Variants in IGF1R observed in about 807,000 individuals in gnomAD.
IGF1R encodes insulin like growth factor 1 receptor, also known as insulin-like growth factor 1 receptor.
A neutral mutation model predicts 144.6 loss-of-function variants in IGF1R; 44 were observed. The ratio of observed to expected loss-of-function variants is 0.30; its 90% confidence interval spans 0.24 to 0.39. The LOEUF is 0.39. IGF1R is among the 10% of genes least tolerant of loss of function. IGF1R has a pLI of 1.00. For synonymous variants in IGF1R, 795 were observed against 722.8 expected (o/e 1.10, Z -1.60); for missense variants, 1,355 against 1,833.7 (o/e 0.74, Z 4.77).
chr15:98,771,808 A>G (rs562870334), intron 2 of IGF1R, among the ~76,000 whole-genome samples: 2 of 152,298 alleles, frequency 1.3e-5, no homozygotes, highest in South Asian at 2.1e-4. Context: ...GGCAATTGCT[A>G]CAAAGTCCAG....
chr15:98,687,731 A>G (rs2053365567), intron 1 of IGF1R, among the ~76,000 whole-genome samples: 1 of 152,212 alleles, frequency 6.6e-6, no homozygotes, highest in African/African-American at 2.4e-5. Flanking sequence ...ATAGAAGCCA[A>G]AGCATCCCCA....
chr15:98,811,517 G>A (rs368206204), intron 2 of IGF1R, among the ~76,000 whole-genome samples: 2 of 126,414 alleles, frequency 1.6e-5, no homozygotes, highest in African/African-American at 5.9e-5. Flanking sequence ...GTGACAGAGC[G>A]AAACTCCATC....
rs529621926 is a variant in IGF1R at position 98,847,629 on chromosome 15, G to A, written c.641-43696G>A. ...GAAGTTTCGAGGACTTTTGAAATTC[G>A]ATGACATTAACCTTTGAGGTGCATT... is the stretch of plus-strand genomic sequence containing the variant. On this transcript the variant is annotated intron_variant, in intron 2 of 20. Transcript: ENST00000650285. Among the ~76,000 whole-genome samples, 5 of 152,284 alleles carry A rather than the reference G, an allele frequency of 3.3e-5. No homozygotes were observed. The East Asian group carries it at 7.7e-4, about 23-fold the overall frequency.
chr15:98,958,829 A>ACTTTCTTCCT lies in IGF1R; in HGVS notation c.*1392_*1401dup, dbSNP rs2017114482. On this transcript the variant is annotated 3_prime_UTR_variant, in exon 21 of 21. Transcript: ENST00000650285. Reference sequence around the variant, plus strand: ...CTTATGCTTTGTACTAGAGTGCGTGACTTTCTTCCTCTTTTCCCGGTAATG... The same window carrying ACTTTCTTCCT: ...CTTATGCTTTGTACTAGAGTGCGTGACTTTCTTCCTCTTTCTTCCTCTTTTCCCGGTAATG... The ACTTTCTTCCT allele has an allele frequency of 4.3e-6, 1 of 233,434 alleles. No homozygotes were observed. The highest frequency in any genetic ancestry group is 8.5e-6 in the Non-Finnish European group (1 of 117,930). The allele number at this position is 233,434 out of a possible 1,614,324, so 14.5% of individuals were successfully genotyped here. A position where few individuals can be genotyped will look rare whatever the true frequency, so the allele number is the denominator to read the frequency against.
rs1015164148 is a variant in IGF1R at position 98,958,213 on chromosome 15, G to T, written c.*771G>T. ...ACACAGGTCTCATTGCTTCTGACTA[G>T]ATTATTATTTGGGGGAACTGGACAC... On this transcript the variant is annotated 3_prime_UTR_variant, in exon 21 of 21. Coordinates refer to ENST00000650285, the MANE Select transcript of IGF1R (RefSeq NM_000875.5). The T allele has an allele frequency of 2.6e-5, 6 of 232,158 alleles. No individual in the cohort carries two copies. The highest frequency in any genetic ancestry group is 6.6e-5 in the African/African-American group (3 of 45,232). The allele number at this position is 232,158 out of a possible 1,614,324, so 14.4% of individuals were successfully genotyped here. A position where few individuals can be genotyped will look rare whatever the true frequency, so the allele number is the denominator to read the frequency against.
At chr15:98,948,251 A>C (rs1328718601) in intron 19 of IGF1R, among the ~76,000 whole-genome samples, 2 of 152,176 alleles carry the variant, frequency 1.3e-5, no homozygotes, top group Admixed American at 1.3e-4. Context: ...GGCCGGGACT[A>C]GGTAGATGCT....
At chr15:98,953,217 T>A (rs2016846222) in intron 20 of IGF1R, 1 of 152,176 alleles carries the variant, frequency 6.6e-6, no homozygotes, top group African/African-American at 2.4e-5. Context: ...GAGCTCACCA[T>A]CAGGAAGTAG....
chr15:98,720,129 CG>C (rs2054213299), intron 2 of IGF1R, among the ~76,000 whole-genome samples: 1 of 152,298 alleles, frequency 6.6e-6, no homozygotes, highest in South Asian at 2.1e-4. Flanking sequence ...TAACTCCAGT[CG>C]CAAAATCCCT....
intron 2 of IGF1R, among the ~76,000 whole-genome samples, chr15:98,745,483 C>T (rs2141322849): frequency 6.6e-6 from 1 of 152,356 alleles, no homozygotes; most frequent in South Asian, 2.1e-4. Flanking sequence ...TGGGTTCCTT[C>T]TCCTGTCTTT....
intron 2 of IGF1R, among the ~76,000 whole-genome samples, chr15:98,879,063 C>T (rs1457731679): frequency 6.6e-6 from 1 of 152,080 alleles, no homozygotes; most frequent in Non-Finnish European, 1.5e-5. Flanking sequence ...GTGAAGAAAC[C>T]CGGCTCATGA....
At chr15:98,843,765 GTT>G (rs1373063843) in intron 2 of IGF1R, among the ~76,000 whole-genome samples, 1 of 152,072 alleles carries the variant, frequency 6.6e-6, no homozygotes, top group Non-Finnish European at 1.5e-5. Context: ...GAGTGGGATT[GTT>G]TTTTGTTTCA....
At chr15:98,834,717 G>A (rs994043204) in intron 2 of IGF1R, among the ~76,000 whole-genome samples, 12 of 152,214 alleles carry the variant, frequency 7.9e-5, no homozygotes, top group Non-Finnish European at 1.5e-4. Flanking sequence ...GGATGGTTCA[G>A]TAGGCTCAAG....
At position 98,868,327 on chromosome 15, in the gene IGF1R, CAAAAAAAAA is replaced by C. The variant is rs55905905; in HGVS notation, c.641-22989_641-22981del. On this transcript the variant is annotated intron_variant, in intron 2 of 20. Coordinates refer to ENST00000650285, the MANE Select transcript of IGF1R (RefSeq NM_000875.5). ...GGACAACAGAGTAAGACCTTGTCTCCAAAAAAAAAAAAAAAAAGCCAAATCTGTTGGGTT... is the reference window on the plus strand; with the variant it reads ...GGACAACAGAGTAAGACCTTGTCTCCAAAAAAAAGCCAAATCTGTTGGGTT... Among the ~76,000 whole-genome samples the C allele has an allele frequency of 1.9e-3, 94 of 49,878 alleles. 2 individuals carry two copies. The highest frequency in any genetic ancestry group is 0.036 in the Middle Eastern group (1 of 28). The allele number at this position is 49,878 out of a possible 152,430, so 32.7% of individuals were successfully genotyped here.
intron 5 of IGF1R, among the ~76,000 whole-genome samples, chr15:98,905,419 G>A (rs985224139): frequency 6.6e-6 from 1 of 152,004 alleles, no homozygotes; most frequent in East Asian, 1.9e-4. Flanking sequence ...CACTTTGGAA[G>A]ACCATGGCAA....
intron 2 of IGF1R, among the ~76,000 whole-genome samples, chr15:98,868,797 G>C (rs1304271807): frequency 6.6e-6 from 1 of 152,182 alleles, no homozygotes; most frequent in Admixed American, 6.5e-5. Context: ...GGGTAGCAGT[G>C]AGTGCCCCGT....
chr15:98,866,283 C>G (rs935669227), intron 2 of IGF1R, among the ~76,000 whole-genome samples: 2 of 152,188 alleles, frequency 1.3e-5, no homozygotes. Context: ...CTTCCGTGTA[C>G]CCAGTAAATG....
chr15:98,924,724 AAGC>A lies in IGF1R; in HGVS notation c.2782+43_2782+45del, dbSNP rs776642824. 6.4e-5 allele frequency: 102 copies of A among 1,582,714 alleles called. No homozygotes were observed. In the African/African-American group the frequency reaches 1.1e-3, roughly 18 times the overall value. ...GGGAGAAGAAACGTGGTAAAACTGA[AAGC>A]AGGGTGGTCCAGGATCAGGACAGCC... On this transcript the variant is annotated intron_variant, in intron 13 of 20. Transcript: ENST00000650285.
intron 2 of IGF1R, among the ~76,000 whole-genome samples, chr15:98,854,134 T>G (rs939377351): frequency 6.6e-6 from 1 of 152,206 alleles, no homozygotes; most frequent in Non-Finnish European, 1.5e-5. Context: ...GACAGCAGGT[T>G]AAGGAGAGTG....
intron 15 of IGF1R, 72 bp downstream of exon 15, chr15:98,930,377 A>C (rs33982004): frequency 9.6e-7 from 1 of 1,039,036 alleles, no homozygotes. Context: ...AGGGTTGCTA[A>C]TTTGGGAAAG....
Sources: gnomAD v4.1 joint callset for allele counts (sites outside exome capture counted in the v4.1 genomes callset) on GRCh38, gnomAD v4.1.1 for gene constraint, MANE v1.5 for transcripts, NCBI Gene and HGNC (gene_info 2026-07-23, HGNC 2026-07-21) for gene names.